SUPT3H: variants seen among roughly 807,000 people sequenced by gnomAD.
SUPT3H encodes SPT3 homolog, SAGA and STAGA complex component, also known as transcription initiation protein SPT3 homolog.
In SUPT3H, 44 loss-of-function variants were observed where a neutral mutation model predicts 44.3. That is an observed-to-expected ratio of 0.99 (90% CI 0.78 to 1.28). The LOEUF (loss-of-function observed/expected upper bound fraction) is 1.28, where lower values mean the gene tolerates loss of function less well. SUPT3H is among the 50% of genes most tolerant of loss of function. SUPT3H has a pLI of 0.00. For synonymous variants in SUPT3H, 124 were observed against 125.6 expected, an observed-to-expected ratio of 0.99 and a Z score of 0.09; for missense variants, 380 against 387.1, an observed-to-expected ratio of 0.98 and a Z score of 0.15.
intron 2 of SUPT3H, among the ~76,000 whole-genome samples, chr6:45,331,603 T>C (rs1046721452): frequency 6.6e-6 from 1 of 151,972 alleles, no homozygotes; most frequent in African/African-American, 2.4e-5. Context: ...TAAATTATTT[T>C]AAATTATAAT....
intron 2 of SUPT3H, among the ~76,000 whole-genome samples, chr6:45,208,241 A>G (rs757036283): frequency 2.6e-5 from 4 of 152,204 alleles, no homozygotes; most frequent in Non-Finnish European, 4.4e-5. Context: ...TCTCAATTCT[A>G]TGAAGGCTGA....
Position 44,954,200 on chromosome 6 carries a change from A to C in SUPT3H, c.693+295T>G, listed in dbSNP as rs17209594. ...AAGGTGTTTTTCAAAGCTCAAAAAT[A>C]ATCTCTAAACAAGGCAGATGTGGAT... is the stretch of plus-strand genomic sequence containing the variant. On this transcript the variant is annotated intron_variant, in intron 8 of 10. Transcript: ENST00000371459. 6.5e-3 allele frequency among the ~76,000 whole-genome samples: 989 copies of C among 152,356 alleles called. 4 individuals are homozygous for C. The highest frequency in any genetic ancestry group is 0.017 in the Middle Eastern group (5 of 294).
chr6:44,843,931 A>G (rs146366663), intron 10 of SUPT3H, among the ~76,000 whole-genome samples: 1,632 of 6,638 alleles, frequency 0.25, 41 homozygotes, highest in East Asian at 0.36. Context: ...ACACACGCAC[A>G]CACACACACA....
chr6:45,044,877 T>C (rs1174062299), intron 3 of SUPT3H, among the ~76,000 whole-genome samples: 1 of 152,132 alleles, frequency 6.6e-6, no homozygotes, highest in Non-Finnish European at 1.5e-5. Flanking sequence ...CAAACTGGGA[T>C]TTCAGTTAAA....
intron 6 of SUPT3H, among the ~76,000 whole-genome samples, chr6:44,981,278 T>A (rs147068423): frequency 3.3e-5 from 5 of 152,322 alleles, no homozygotes; most frequent in African/African-American, 1.2e-4. Flanking sequence ...TGGATTTTAA[T>A]GAAGAAGTCA....
At chr6:44,887,105 C>A (rs1161485775) in intron 10 of SUPT3H, among the ~76,000 whole-genome samples, 1 of 152,158 alleles carries the variant, frequency 6.6e-6, no homozygotes, top group African/African-American at 2.4e-5. Flanking sequence ...CAGGAGCACC[C>A]AGTTTCATAA....
intron 10 of SUPT3H, among the ~76,000 whole-genome samples, chr6:44,883,619 A>G (rs491590): frequency 1.3e-5 from 2 of 152,106 alleles, no homozygotes; most frequent in East Asian, 1.9e-4. Context: ...AATTGTAACT[A>G]TACTACAAGG....
chr6:45,150,064 T>G (rs115587606), intron 2 of SUPT3H, among the ~76,000 whole-genome samples: 2,672 of 152,256 alleles, frequency 0.018, 54 homozygotes, highest in South Asian at 0.085. Flanking sequence ...CTCCTCAGAA[T>G]GGTTACAAAT....
At position 45,150,720 on chromosome 6, in the gene SUPT3H, G is replaced by GTTT. The variant is rs11319902; in HGVS notation, c.102-44717_102-44715dup. Among the ~76,000 whole-genome samples the GTTT allele has an allele frequency of 7.0e-3, 694 of 99,268 alleles. 89 individuals are homozygous for GTTT. The highest frequency in any genetic ancestry group is 0.019 in the African/African-American group (461 of 24,538). The allele number at this position is 99,268 out of a possible 152,430, so 65.1% of individuals were successfully genotyped here. On this transcript the variant is annotated intron_variant, in intron 2 of 10. Coordinates refer to ENST00000371459, the MANE Select transcript of SUPT3H (RefSeq NM_003599.4). ...CTTCTACTTATAATCTTTATTCTGCGTTTTTTTTTTTTTTTTTTTTAAGAT... is the reference window on the plus strand; with the variant it reads ...CTTCTACTTATAATCTTTATTCTGCGTTTTTTTTTTTTTTTTTTTTTTTAAGAT...
At chr6:45,038,177 TA>T (rs1714950569) in intron 3 of SUPT3H, among the ~76,000 whole-genome samples, 1 of 152,180 alleles carries the variant, frequency 6.6e-6, no homozygotes, top group Non-Finnish European at 1.5e-5. Flanking sequence ...AGTTCATTTA[TA>T]AAAACTACTC....
chr6:45,194,722 AC>A (rs779397964), intron 2 of SUPT3H, among the ~76,000 whole-genome samples: 47 of 152,286 alleles, frequency 3.1e-4, no homozygotes, highest in Non-Finnish European at 5.7e-4. Flanking sequence ...TTATAATGCA[AC>A]AAAAAGAATG....
chr6:45,217,693 C>T (rs369111455), intron 2 of SUPT3H, among the ~76,000 whole-genome samples: 2 of 152,066 alleles, frequency 1.3e-5, no homozygotes, highest in East Asian at 1.9e-4. Flanking sequence ...GAGTTCAAGA[C>T]CAGTCTGATC....
At chr6:45,030,769 T>C (rs1208894947) in intron 3 of SUPT3H, among the ~76,000 whole-genome samples, 1 of 152,172 alleles carries the variant, frequency 6.6e-6, no homozygotes, top group Non-Finnish European at 1.5e-5. Context: ...ACCCTTGTTT[T>C]GGCAAAAGCA....
intron 3 of SUPT3H, among the ~76,000 whole-genome samples, chr6:45,104,329 A>G (rs1798987625): frequency 6.6e-6 from 1 of 152,148 alleles, no homozygotes; most frequent in African/African-American, 2.4e-5. Flanking sequence ...TGTCCTTATA[A>G]GACAGGAGGA....
chr6:44,972,918 G>T lies in SUPT3H; in HGVS notation c.505-11090C>A, dbSNP rs548043273. Among the ~76,000 whole-genome samples, 20 of 152,234 alleles carry T rather than the reference G, an allele frequency of 1.3e-4. No individual in the cohort carries two copies. The South Asian group carries it at 4.1e-3, about 32-fold the overall frequency. On this transcript the variant is annotated intron_variant, in intron 6 of 10. Coordinates refer to ENST00000371459, the MANE Select transcript of SUPT3H (RefSeq NM_003599.4). ...TCATGAAACCATTTTTTCCTCCTACGCCTCTGGGCCTGTGATGGGAGGGGT... is the reference window on the plus strand; with the variant it reads ...TCATGAAACCATTTTTTCCTCCTACTCCTCTGGGCCTGTGATGGGAGGGGT...
intron 2 of SUPT3H, among the ~76,000 whole-genome samples, chr6:45,298,654 T>C (rs780907688): frequency 7.0e-4 from 106 of 152,032 alleles, no homozygotes; most frequent in Non-Finnish European, 1.4e-3. Flanking sequence ...TTGTAAAACA[T>C]ACAAAGTTAT....
intron 7 of SUPT3H, among the ~76,000 whole-genome samples, chr6:44,958,296 A>G (rs974560730): frequency 3.3e-5 from 5 of 152,140 alleles, no homozygotes; most frequent in Non-Finnish European, 7.3e-5. Flanking sequence ...AACAAAATTT[A>G]AGTTTCTTGC....
At chr6:45,362,428 T>C (rs1794425871) in intron 2 of SUPT3H, among the ~76,000 whole-genome samples, 1 of 152,192 alleles carries the variant, frequency 6.6e-6, no homozygotes, top group Non-Finnish European at 1.5e-5. Flanking sequence ...ATGAAATTAC[T>C]GTAACACAAA....
At chr6:45,088,518 G>A (rs1344131082) in intron 3 of SUPT3H, among the ~76,000 whole-genome samples, 1 of 151,992 alleles carries the variant, frequency 6.6e-6, no homozygotes, top group Non-Finnish European at 1.5e-5. Flanking sequence ...TCCAAGAGAT[G>A]ACTAAATGAG....
Sources: allele counts gnomAD v4.1 joint callset (sites outside exome capture counted in the v4.1 genomes callset), GRCh38; gene constraint gnomAD v4.1.1; transcripts MANE v1.5; gene names NCBI Gene and HGNC (gene_info 2026-07-23, HGNC 2026-07-21).